Variants in MPP2 observed in about 807,000 individuals in gnomAD.
The protein encoded by MPP2 is MAGUK p55 subfamily member 2.
In MPP2, 42 loss-of-function variants were observed where a neutral mutation model predicts 58.5. That is an observed-to-expected ratio of 0.72 (90% CI 0.56 to 0.93). The LOEUF (loss-of-function observed/expected upper bound fraction) is 0.93. Among genes scored for constraint, MPP2 ranks in the 40% least tolerant of loss-of-function variants. The pLI is 0.00. For synonymous variants in MPP2, 300 were observed against 307.8 expected, an observed-to-expected ratio of 0.97 and a Z score of 0.26; for missense variants, 632 against 760.4, an observed-to-expected ratio of 0.83 and a Z score of 1.99.
chr17:43,878,754 C>A (rs186454971), intron 12 of MPP2, among the ~76,000 whole-genome samples: 1 of 152,224 alleles, frequency 6.6e-6, no homozygotes, highest in African/African-American at 2.4e-5. Flanking sequence ...AACCCTCCAC[C>A]TCCTGGGAAG....
chr17:43,879,994 T>C lies in MPP2; in HGVS notation c.1151-10A>G, dbSNP rs1555605993. On this transcript the variant is annotated splice_polypyrimidine_tract_variant and intron_variant, in intron 10 of 12. Coordinates refer to ENST00000269095, the MANE Select transcript of MPP2 (RefSeq NM_005374.5). This position sits in a 1 kb window ranked among gnomAD's most constrained non-coding sequence, Gnocchi z 4.1. Reference sequence around the variant, plus strand: ...GGCCGCCGGGAGGTGTCTAGGGGGATGGGGGTAGGTTGGACCAAATGGGCA... The same window carrying C: ...GGCCGCCGGGAGGTGTCTAGGGGGACGGGGGTAGGTTGGACCAAATGGGCA... 6.2e-7 allele frequency: 1 copy of C among 1,613,862 alleles called. No individual in the cohort carries two copies. The highest frequency in any genetic ancestry group is 1.7e-5 in the Admixed American group (1 of 60,012).
intron 3 of MPP2, among the ~76,000 whole-genome samples, chr17:43,885,419 G>C (rs2047324929): frequency 6.6e-6 from 1 of 152,038 alleles, no homozygotes; most frequent in South Asian, 2.1e-4. Flanking sequence ...TTTCTCCAAG[G>C]AACCCTGATT....
rs1386430062 is a variant in MPP2 at position 43,875,422 on chromosome 17, T to C, written c.*2385A>G. 2.0e-5 allele frequency: 3 copies of C among 152,226 alleles called. No individual in the cohort carries two copies. The highest frequency in any genetic ancestry group is 2.9e-5 in the Non-Finnish European group (2 of 68,102). 9.4% of individuals were successfully genotyped at this position (152,226 alleles called of 1,614,324 possible). A position where few individuals can be genotyped will look rare whatever the true frequency, so the allele number is the denominator to read the frequency against. ...ACCAATCAGTGAGAAAACTCAAGAATTGGATGGCTGAGGGAGGGAACAGAG... is the reference window on the plus strand; with the variant it reads ...ACCAATCAGTGAGAAAACTCAAGAACTGGATGGCTGAGGGAGGGAACAGAG... On this transcript the variant is annotated 3_prime_UTR_variant, in exon 13 of 13. Coordinates refer to ENST00000269095, the MANE Select transcript of MPP2 (RefSeq NM_005374.5).
intron 5 of MPP2, 135 bp downstream of exon 5, chr17:43,882,768 G>C (rs2143572030): frequency 7.5e-7 from 1 of 1,332,114 alleles, no homozygotes; most frequent in South Asian, 1.2e-5. Context: ...ACCCTTTGCT[G>C]CATCAATCCT....
Position 43,882,835 on chromosome 17 carries a change from C to T in MPP2, c.453+68G>A. 5 of 1,594,744 alleles carry T rather than the reference C, an allele frequency of 3.1e-6. No individual in the cohort carries two copies. In the Admixed American group the frequency reaches 5.4e-5, roughly 17 times the overall value. On this transcript the variant is annotated intron_variant, in intron 5 of 12. Transcript: ENST00000269095. Reference sequence around the variant, plus strand: ...TCAGACCACACTTGGCCTTTTTTGTCCGTTCATTGGTTATTCTCAATCCCC... The same window carrying T: ...TCAGACCACACTTGGCCTTTTTTGTTCGTTCATTGGTTATTCTCAATCCCC...
rs77349315 is a variant in MPP2, at chr17:43,879,989, G to C, written c.1151-5C>G. Reference sequence around the variant, plus strand: ...CTTTCGGCCGCCGGGAGGTGTCTAGGGGGATGGGGGTAGGTTGGACCAAAT... The same window carrying C: ...CTTTCGGCCGCCGGGAGGTGTCTAGCGGGATGGGGGTAGGTTGGACCAAAT... On this transcript the variant is annotated splice_polypyrimidine_tract_variant and splice_region_variant and intron_variant, in intron 10 of 12. Coordinates refer to ENST00000269095, the MANE Select transcript of MPP2 (RefSeq NM_005374.5). This position sits in a 1 kb window ranked among gnomAD's most constrained non-coding sequence, Gnocchi z 4.1. The C allele has an allele frequency of 6.2e-7, 1 of 1,613,824 alleles. No homozygotes were observed. The highest frequency in any genetic ancestry group is 8.5e-7 in the Non-Finnish European group (1 of 1,179,966).
At chr17:43,899,145 G>A (rs923611396) in intron 2 of MPP2, among the ~76,000 whole-genome samples, 2 of 152,186 alleles carry the variant, frequency 1.3e-5, no homozygotes, top group African/African-American at 2.4e-5. Context: ...TACTCGGGAG[G>A]CTGAGGCAGG....
In MPP2 at chr17:43,882,036, G is replaced by A. The variant is rs147956670; in HGVS notation, c.681+248C>T. Among the ~76,000 whole-genome samples, 1,379 of 152,322 alleles carry A rather than the reference G, an allele frequency of 9.1e-3. 5 individuals carry two copies. Among genetic ancestry groups the A allele is most frequent in the Middle Eastern group, 0.037 (11 of 294 alleles). On this transcript the variant is annotated intron_variant, in intron 6 of 12. Coordinates refer to ENST00000269095, the MANE Select transcript of MPP2 (RefSeq NM_005374.5). ...GAAGAACGCTGACCATAATGCAGGCGCTCTCTCATACACTTGTACCCCAGG... is the reference window on the plus strand; with the variant it reads ...GAAGAACGCTGACCATAATGCAGGCACTCTCTCATACACTTGTACCCCAGG...
upstream of MPP2, among the ~76,000 whole-genome samples, chr17:43,908,469 T>G (rs962240776): frequency 5.3e-5 from 8 of 152,202 alleles, no homozygotes; most frequent in Non-Finnish European, 8.8e-5. Context: ...GCGCGGTGGC[T>G]CACTCCCATA....
intron 3 of MPP2, among the ~76,000 whole-genome samples, chr17:43,890,595 T>G (rs893348637): frequency 1.3e-5 from 2 of 152,192 alleles, no homozygotes; most frequent in African/African-American, 4.8e-5. Context: ...ATTAAATAGT[T>G]AAATTAAAAG....
At chr17:43,881,627 C>A in intron 6 of MPP2, 38 bp from the exon 7 acceptor site, 1 of 1,603,514 alleles carries the variant, frequency 6.2e-7, no homozygotes, top group South Asian at 1.1e-5. Context: ...GGGGAAGGGT[C>A]AGCAGAAGGC....
chr17:43,885,973 T>C (rs1011430677), intron 3 of MPP2, among the ~76,000 whole-genome samples: 1 of 151,906 alleles, frequency 6.6e-6, no homozygotes, highest in African/African-American at 2.4e-5. Context: ...GCCGGGCATG[T>C]GGCACATGCC....
intron 3 of MPP2, among the ~76,000 whole-genome samples, chr17:43,889,178 G>A (rs573551887): frequency 3.4e-4 from 51 of 151,854 alleles, no homozygotes; most frequent in African/African-American, 1.1e-3. Flanking sequence ...TGCCTGCCTC[G>A]GCCTCCCAAA....
intron 3 of MPP2, among the ~76,000 whole-genome samples, chr17:43,890,508 T>C (rs1457148381): frequency 6.6e-6 from 1 of 152,082 alleles, no homozygotes; most frequent in Non-Finnish European, 1.5e-5. Context: ...CACTGAAAAG[T>C]TTTCCCTCTG....
At chr17:43,900,190 C>T (rs969703694) in intron 2 of MPP2, among the ~76,000 whole-genome samples, 1 of 152,202 alleles carries the variant, frequency 6.6e-6, no homozygotes, top group Non-Finnish European at 1.5e-5. Context: ...TTGCCCAGGC[C>T]GGGGCTTGGC....
chr17:43,902,361 C>T (rs145750893), intron 2 of MPP2, among the ~76,000 whole-genome samples: 1 of 152,288 alleles, frequency 6.6e-6, no homozygotes, highest in African/African-American at 2.4e-5. Flanking sequence ...TCCTACGCCC[C>T]AGTCAGGCAC....
At chr17:43,907,644 G>T (rs2048346343), upstream of MPP2, 1 of 985,532 alleles carries the variant, frequency 1.0e-6, no homozygotes, top group South Asian at 4.7e-5. Flanking sequence ...GGCACAACTC[G>T]GAGGAAGTAG....
upstream of MPP2, chr17:43,909,602 T>C (rs2048386131): frequency 6.7e-7 from 1 of 1,484,958 alleles, no homozygotes; most frequent in South Asian, 1.3e-5. Context: ...CAGTCTGGGA[T>C]CTCAGATTCT....
chr17:43,896,462 T>C (rs557567126), intron 3 of MPP2, among the ~76,000 whole-genome samples: 2 of 152,070 alleles, frequency 1.3e-5, no homozygotes, highest in South Asian at 4.2e-4. Flanking sequence ...TCTATATCCC[T>C]ACCATCACCC....
Sources: gnomAD v4.1 joint callset for allele counts (sites outside exome capture counted in the v4.1 genomes callset) on GRCh38, gnomAD v4.1.1 for gene constraint, Gnocchi (gnomAD v3.1) non-coding constraint, MANE v1.5 for transcripts, NCBI Gene and HGNC (gene_info 2026-07-23, HGNC 2026-07-21) for gene names.